Variants in RORB observed in about 807,000 individuals in gnomAD.
The protein encoded by RORB is nuclear receptor ROR-beta.
Under a neutral mutation model 59.1 loss-of-function variants are expected in RORB, and 6 were observed. The ratio of observed to expected loss-of-function variants is 0.10; its 90% CI spans 0.06 to 0.20. The LOEUF (loss-of-function observed/expected upper bound fraction) is 0.20. Ranked by LOEUF, RORB falls within the 10% of genes least tolerant of loss-of-function variation. The pLI is 1.00. For missense variants in RORB, 320 were observed against 560.5 expected, an observed-to-expected ratio of 0.57 and a Z score of 4.33; for synonymous variants, 215 against 204.5, an observed-to-expected ratio of 1.05 and a Z score of -0.44.
chr9:74,566,242 A>G (rs1822466699), intron 1 of RORB, among the ~76,000 whole-genome samples: 1 of 152,026 alleles, frequency 6.6e-6, no homozygotes, highest in Non-Finnish European at 1.5e-5. Context: ...TTTTACAGCA[A>G]TTCATTTTTT....
intron 1 of RORB, among the ~76,000 whole-genome samples, chr9:74,579,677 C>T (rs1286384998): frequency 6.6e-6 from 1 of 152,094 alleles, no homozygotes; most frequent in Admixed American, 6.6e-5. Context: ...ATCACACTCA[C>T]CACAATAGAA....
At position 74,675,082 on chromosome 9, in the gene RORB, G is replaced by A. The variant is rs1009914531; in HGVS notation, c.1224+3181G>A. On this transcript the variant is annotated intron_variant, in intron 9 of 9. Transcript: ENST00000376896. ...GAGACATTTTTATCTAAGAGATGGC[G>A]TATTTGAGCTAGTCACTGATAGATG... Among the ~76,000 whole-genome samples the A allele has an allele frequency of 7.2e-5, 11 of 152,060 alleles. 1 individual carries two copies. In the South Asian group the frequency reaches 1.2e-3, roughly 17 times the overall value.
intron 1 of RORB, among the ~76,000 whole-genome samples, chr9:74,526,586 TC>T (rs1367931375): frequency 6.6e-6 from 1 of 151,878 alleles, no homozygotes; most frequent in Non-Finnish European, 1.5e-5. Context: ...AACACAAACT[TC>T]CTGTCAGCTA....
At chr9:74,593,187 C>T (rs182446151) in intron 1 of RORB, among the ~76,000 whole-genome samples, 176 of 152,150 alleles carry the variant, frequency 1.2e-3, no homozygotes, top group African/African-American at 4.0e-3. Flanking sequence ...GAGGAAGAGG[C>T]CGGGCGCGGT....
Position 74,497,945 on chromosome 9 carries a change from A to G in RORB, c.-32A>G. The G allele has an allele frequency of 6.2e-7, 1 of 1,611,456 alleles. No individual in the cohort carries two copies. Among genetic ancestry groups the G allele is most frequent in the South Asian group, 1.1e-5 (1 of 90,424 alleles). On this transcript the variant is annotated 5_prime_UTR_variant, in exon 1 of 10. The change abolishes an upstream ATG in the 5' untranslated region. Coordinates refer to ENST00000376896, the MANE Select transcript of RORB (RefSeq NM_006914.4). ...CGGGGTTCGGGCTGGGAGCAGCTTC[A>G]TGACTACGCGGAGCGGGAGAGCGGC...
At chr9:74,618,521 C>CT (rs1823349668) in intron 1 of RORB, among the ~76,000 whole-genome samples, 1 of 152,088 alleles carries the variant, frequency 6.6e-6, no homozygotes, top group Non-Finnish European at 1.5e-5. Context: ...TAGCCTCCTT[C>CT]TTTTCTCTGC....
chr9:74,541,864 A>G (rs1309361319), intron 1 of RORB, among the ~76,000 whole-genome samples: 1 of 152,170 alleles, frequency 6.6e-6, no homozygotes, highest in Non-Finnish European at 1.5e-5. Context: ...GGAGATTCTA[A>G]TAGGAGACCT....
At chr9:74,661,634 TC>T (rs1778484597) in intron 5 of RORB, among the ~76,000 whole-genome samples, 5 of 140,990 alleles carry the variant, frequency 3.5e-5, no homozygotes, top group African/African-American at 1.3e-4. Context: ...AATTCTTTTT[TC>T]CTTTTTTTTT....
At chr9:74,592,854 T>C (rs771410900) in intron 1 of RORB, among the ~76,000 whole-genome samples, 5 of 151,918 alleles carry the variant, frequency 3.3e-5, no homozygotes, top group African/African-American at 1.2e-4. Flanking sequence ...CACATGAACA[T>C]GCACACACAT....
At chr9:74,517,630 G>T (rs1826027432) in intron 1 of RORB, among the ~76,000 whole-genome samples, 1 of 151,876 alleles carries the variant, frequency 6.6e-6, no homozygotes, top group African/African-American at 2.4e-5. Flanking sequence ...TTTTTAAAAA[G>T]GGTAGCCCCA....
intron 1 of RORB, among the ~76,000 whole-genome samples, chr9:74,535,274 A>T (rs1186470916): frequency 1.3e-5 from 2 of 152,070 alleles, no homozygotes; most frequent in Non-Finnish European, 2.9e-5. Flanking sequence ...AAATCTTTGC[A>T]TTGCAGGAGA....
intron 1 of RORB, among the ~76,000 whole-genome samples, chr9:74,530,894 C>A (rs1826227475): frequency 6.6e-6 from 1 of 151,820 alleles, no homozygotes; most frequent in Non-Finnish European, 1.5e-5. Flanking sequence ...CCACGACAGG[C>A]CCCGGTGTGT....
intron 1 of RORB, among the ~76,000 whole-genome samples, chr9:74,599,417 T>A (rs1823021381): frequency 6.6e-6 from 1 of 152,120 alleles, no homozygotes; most frequent in Non-Finnish European, 1.5e-5. Flanking sequence ...TATAGACACA[T>A]TTAAAGAAAT....
intron 1 of RORB, among the ~76,000 whole-genome samples, chr9:74,555,012 A>T (rs186735200): frequency 7.2e-5 from 11 of 152,346 alleles, no homozygotes; most frequent in Admixed American, 4.6e-4. Context: ...GCAGAAGCAA[A>T]ATCAACACTG....
intron 1 of RORB, among the ~76,000 whole-genome samples, chr9:74,604,739 C>T (rs1434672303): frequency 6.6e-6 from 1 of 152,110 alleles, no homozygotes; most frequent in Non-Finnish European, 1.5e-5. Context: ...AAGAAGAAGT[C>T]TTTTAAGTCT....
intron 1 of RORB, among the ~76,000 whole-genome samples, chr9:74,548,193 C>T (rs141417596): frequency 1.2e-3 from 186 of 152,258 alleles, no homozygotes; most frequent in African/African-American, 4.4e-3. Flanking sequence ...GAGGGCGGGG[C>T]AGATCAGGAG....
intron 1 of RORB, among the ~76,000 whole-genome samples, chr9:74,506,838 A>G (rs149982734): frequency 1.6e-3 from 239 of 152,222 alleles, no homozygotes; most frequent in African/African-American, 5.6e-3. Context: ...ATTAACTACA[A>G]TATATTAGAC....
At chr9:74,515,487 T>C (rs973179114) in intron 1 of RORB, among the ~76,000 whole-genome samples, 2 of 152,182 alleles carry the variant, frequency 1.3e-5, no homozygotes, top group Non-Finnish European at 2.9e-5. Flanking sequence ...GAGTGTTTTA[T>C]GAAGGAGCTC....
At chr9:74,582,984 G>C (rs974690883) in intron 1 of RORB, among the ~76,000 whole-genome samples, 3 of 152,094 alleles carry the variant, frequency 2.0e-5, no homozygotes, top group African/African-American at 7.2e-5. Context: ...ACCTTCTCAG[G>C]TGTCTATATG....
Sources: allele counts gnomAD v4.1 joint callset (sites outside exome capture counted in the v4.1 genomes callset), GRCh38; gene constraint gnomAD v4.1.1; transcripts MANE v1.5; gene names NCBI Gene and HGNC (gene_info 2026-07-23, HGNC 2026-07-21).